Variants in TBC1D4 observed in about 807,000 individuals in gnomAD.
TBC1D4 encodes TBC (Tre-2, BUB2, CDC16) domain-containing protein.
Under a neutral mutation model 142.5 loss-of-function variants are expected in TBC1D4, and 121 were observed. The observed-to-expected ratio is 0.85, with a 90% CI of 0.73 to 0.99. TBC1D4 has a LOEUF of 0.99. Ranked by LOEUF, TBC1D4 falls within the 50% of genes least tolerant of loss-of-function variation. The pLI is 0.00. For missense variants in TBC1D4, 1,475 were observed against 1,606.6 expected (o/e 0.92, Z 1.40); for synonymous variants, 630 against 628.2 (o/e 1.00, Z -0.04).
intron 7 of TBC1D4, among the ~76,000 whole-genome samples, chr13:75,338,681 T>C (rs933322580): frequency 1.3e-5 from 2 of 152,178 alleles, no homozygotes; most frequent in African/African-American, 2.4e-5. Flanking sequence ...AATTCCTCTA[T>C]AGGCACCAAA....
chr13:75,385,570 G>A (rs898898674), intron 1 of TBC1D4, among the ~76,000 whole-genome samples: 9 of 152,178 alleles, frequency 5.9e-5, no homozygotes, highest in African/African-American at 2.2e-4. Context: ...GCAAATACAT[G>A]AACAATTTGA....
chr13:75,429,807 C>T (rs1886523893), intron 1 of TBC1D4, among the ~76,000 whole-genome samples: 1 of 152,034 alleles, frequency 6.6e-6, no homozygotes, highest in African/African-American at 2.4e-5. Flanking sequence ...ATCTTTAAGG[C>T]ACTGAAATGC....
At chr13:75,479,625 A>G (rs948488296) in intron 1 of TBC1D4, among the ~76,000 whole-genome samples, 7 of 152,238 alleles carry the variant, frequency 4.6e-5, no homozygotes, top group East Asian at 3.9e-4. Context: ...GAAACCCCCG[A>G]GAGTCATGAA....
intron 1 of TBC1D4, among the ~76,000 whole-genome samples, chr13:75,417,632 C>T (rs532890795): frequency 9.9e-5 from 15 of 152,176 alleles, no homozygotes; most frequent in African/African-American, 1.4e-4. Flanking sequence ...AGGAGGGGCA[C>T]GCATGAAAGG....
chr13:75,353,250 AT>A (rs1242317273), intron 4 of TBC1D4, among the ~76,000 whole-genome samples: 1 of 152,214 alleles, frequency 6.6e-6, no homozygotes, highest in East Asian at 1.9e-4. Context: ...TGAGGGCAAA[AT>A]GAAAACTAAA....
intron 8 of TBC1D4, among the ~76,000 whole-genome samples, chr13:75,334,658 A>T (rs1880047021): frequency 6.6e-6 from 1 of 151,958 alleles, no homozygotes; most frequent in Non-Finnish European, 1.5e-5. Flanking sequence ...ATCTCAGCTC[A>T]CTGCAACCCC....
intron 1 of TBC1D4, among the ~76,000 whole-genome samples, chr13:75,467,084 G>A (rs997974210): frequency 8.6e-5 from 13 of 151,970 alleles, no homozygotes; most frequent in African/African-American, 2.9e-4. Flanking sequence ...AACCTGACTG[G>A]TTCCTAAGTA....
chr13:75,428,243 G>A (rs559062643), intron 1 of TBC1D4, among the ~76,000 whole-genome samples: 7 of 152,240 alleles, frequency 4.6e-5, no homozygotes, highest in East Asian at 3.9e-4. Context: ...AAAATGCTTC[G>A]TGTCATGAAA....
intron 1 of TBC1D4, among the ~76,000 whole-genome samples, chr13:75,434,473 C>A (rs1324786747): frequency 6.6e-6 from 1 of 151,816 alleles, no homozygotes; most frequent in Non-Finnish European, 1.5e-5. Context: ...CTTAGGAACA[C>A]AAAGAAGGAA....
chr13:75,365,932 G>T (rs890125429), intron 1 of TBC1D4, among the ~76,000 whole-genome samples: 1 of 152,132 alleles, frequency 6.6e-6, no homozygotes, highest in South Asian at 2.1e-4. Flanking sequence ...GTAAATTCCC[G>T]TTGGTGACTC....
chr13:75,339,736 G>T (rs888969932), intron 7 of TBC1D4, among the ~76,000 whole-genome samples: 1 of 124,644 alleles, frequency 8.0e-6, no homozygotes, highest in Admixed American at 7.5e-5. Flanking sequence ...CCACCACACC[G>T]GCTAATTGTT....
chr13:75,429,080 TC>T (rs1303333948), intron 1 of TBC1D4, among the ~76,000 whole-genome samples: 1 of 152,236 alleles, frequency 6.6e-6, no homozygotes, highest in African/African-American at 2.4e-5. Flanking sequence ...GTGGTGGCAA[TC>T]CTAGTTTTCT....
At chr13:75,321,949 T>C (rs1301980523) in intron 11 of TBC1D4, among the ~76,000 whole-genome samples, 1 of 152,206 alleles carries the variant, frequency 6.6e-6, no homozygotes, top group Non-Finnish European at 1.5e-5. Flanking sequence ...ATAGGCTGTA[T>C]CATTCCATTT....
intron 5 of TBC1D4, among the ~76,000 whole-genome samples, chr13:75,346,110 T>C (rs951153694): frequency 9.2e-5 from 14 of 152,174 alleles, no homozygotes; most frequent in Admixed American, 5.2e-4. Flanking sequence ...GTAAGGAATA[T>C]TTGGAAACTC....
chr13:75,336,582 C>T (rs1880227367), intron 8 of TBC1D4, among the ~76,000 whole-genome samples: 1 of 151,870 alleles, frequency 6.6e-6, no homozygotes, highest in South Asian at 2.1e-4. Flanking sequence ...GTGATGTACA[C>T]CTGTAATCTC....
chr13:75,481,214 G>C, intron 1 of TBC1D4, 56 bp downstream of exon 1: 113 of 1,028,392 alleles, frequency 1.1e-4, no homozygotes, highest in Non-Finnish European at 1.5e-4. Context: ...CTCCCGCCCT[G>C]CTCCCCGATC....
At chr13:75,292,635 T>G (rs1875434050) in intron 18 of TBC1D4, among the ~76,000 whole-genome samples, 1 of 151,474 alleles carries the variant, frequency 6.6e-6, no homozygotes, top group South Asian at 2.1e-4. Context: ...CAAATTAACA[T>G]AACCAATGAG....
At chr13:75,452,883 T>C (rs1274025840) in intron 1 of TBC1D4, among the ~76,000 whole-genome samples, 4 of 152,058 alleles carry the variant, frequency 2.6e-5, no homozygotes, top group Non-Finnish European at 5.9e-5. Flanking sequence ...GGTGTGGCTG[T>C]TGTTGTGATG....
chr13:75,359,948 C>T, intron 2 of TBC1D4, 90 bp from the exon 3 acceptor site: 1 of 1,011,230 alleles, frequency 9.9e-7, no homozygotes, highest in Non-Finnish European at 1.5e-6. Context: ...AATATAGATT[C>T]AAATGCAATA....
Sources: gnomAD v4.1 joint callset for allele counts (sites outside exome capture counted in the v4.1 genomes callset) on GRCh38, gnomAD v4.1.1 for gene constraint, MANE v1.5 for transcripts, NCBI Gene and HGNC (gene_info 2026-07-23, HGNC 2026-07-21) for gene names.